The following SAMD3 variants were observed in gnomAD, a reference collection of about 807,000 sequenced individuals.
The protein encoded by SAMD3 is sterile alpha motif domain containing 3, also known as sterile alpha motif domain-containing protein 3.
A neutral mutation model predicts 58.5 loss-of-function variants in SAMD3; 63 were observed. The observed-to-expected ratio is 1.08, with a 90% CI of 0.88 to 1.33. SAMD3 has a LOEUF of 1.33. SAMD3 is among the 40% of genes most tolerant of loss of function. The pLI is 0.00. For missense variants in SAMD3, 604 were observed against 608.4 expected (o/e 0.99, Z 0.08); for synonymous variants, 220 against 210.3 (o/e 1.05, Z -0.40).
intron 2 of SAMD3, among the ~76,000 whole-genome samples, chr6:130,253,286 G>C (rs1032241425): frequency 2.0e-5 from 3 of 152,042 alleles, no homozygotes; most frequent in Non-Finnish European, 4.4e-5. Context: ...GGCTTCTCTC[G>C]GAGGCAGAAA....
At chr6:130,300,437 T>C (rs548609129) in intron 2 of SAMD3, among the ~76,000 whole-genome samples, 90 of 152,182 alleles carry the variant, frequency 5.9e-4, no homozygotes, top group African/African-American at 2.0e-3. Context: ...CTCAACAAAC[T>C]AGGCATTAAC....
intron 2 of SAMD3, among the ~76,000 whole-genome samples, chr6:130,283,454 A>AAACC (rs1365052406): frequency 1.3e-5 from 2 of 152,212 alleles, no homozygotes; most frequent in East Asian, 3.8e-4. Context: ...CCTTATAGTA[A>AAACC]AACCATCAAA....
At chr6:130,201,971 A>G (rs1000875516) in intron 5 of SAMD3, among the ~76,000 whole-genome samples, 1 of 152,200 alleles carries the variant, frequency 6.6e-6, no homozygotes, top group African/African-American at 2.4e-5. Context: ...CTTGTCTACC[A>G]GACTCTGAAT....
chr6:130,322,174 G>A (rs1258390648), intron 1 of SAMD3, among the ~76,000 whole-genome samples: 1 of 152,190 alleles, frequency 6.6e-6, no homozygotes, highest in Non-Finnish European at 1.5e-5. Flanking sequence ...GGCAAGGGTG[G>A]AATGGAGGCT....
At chr6:130,209,159 T>G (rs1031037147) in intron 5 of SAMD3, among the ~76,000 whole-genome samples, 13 of 152,222 alleles carry the variant, frequency 8.5e-5, no homozygotes, top group African/African-American at 2.9e-4. Context: ...CCAAGGGATA[T>G]TCTATAGAAC....
chr6:130,363,419 T>C (rs1778041663), intron 1 of SAMD3, among the ~76,000 whole-genome samples: 1 of 152,234 alleles, frequency 6.6e-6, no homozygotes, highest in Admixed American at 6.5e-5. Flanking sequence ...TATAATACTA[T>C]ACCAAGAGTG....
Position 130,146,097 on chromosome 6 carries a change from G to T in SAMD3, c.1108C>A (p.Leu370Met). The T allele has an allele frequency of 6.2e-7, 1 of 1,600,606 alleles. No individual in the cohort carries two copies. The highest frequency in any genetic ancestry group is 2.3e-5 in the East Asian group (1 of 44,286). ...TTGTCCACCACTGAAAAAGAAGTCA[G>T]TATATTTTCTGAATAGGATTCCAAA... is the stretch of plus-strand genomic sequence containing the variant. ...HILESYSENILTSFSVVDNPI... is the reference protein window; with the variant it reads ...HILESYSENIMTSFSVVDNPI... The change falls in exon 10 of 12, where the codon CTG becomes ATG. Residue 370 changes from leucine to methionine, a missense_variant. Physicochemically the swap from Leu to Met is conservative, Grantham distance 15 (BLOSUM62 2). Transcript: ENST00000439090.
chr6:130,207,167 A>G (rs112361797), intron 5 of SAMD3, among the ~76,000 whole-genome samples: 1 of 146,740 alleles, frequency 6.8e-6, no homozygotes, highest in South Asian at 2.2e-4. Flanking sequence ...ATCAAAAAAA[A>G]AAAAAGAAAA....
At chr6:130,232,201 G>A (rs562782478) in intron 2 of SAMD3, among the ~76,000 whole-genome samples, 2 of 152,178 alleles carry the variant, frequency 1.3e-5, no homozygotes, top group East Asian at 3.9e-4. Flanking sequence ...ATTGCAACTA[G>A]AGGCCATGGT....
chr6:130,147,730 C>A (rs1788762821), intron 9 of SAMD3, among the ~76,000 whole-genome samples: 1 of 152,180 alleles, frequency 6.6e-6, no homozygotes, highest in Non-Finnish European at 1.5e-5. Context: ...CAGTCATATT[C>A]TTAACAGGCC....
chr6:130,244,940 G>A (rs547772484), intron 2 of SAMD3, among the ~76,000 whole-genome samples: 44 of 152,032 alleles, frequency 2.9e-4, no homozygotes, highest in Non-Finnish European at 5.6e-4. Flanking sequence ...ATTTTCTAGG[G>A]GAACATTGAA....
intron 2 of SAMD3, among the ~76,000 whole-genome samples, chr6:130,264,304 C>T (rs1165335132): frequency 1.3e-5 from 2 of 152,206 alleles, no homozygotes; most frequent in Non-Finnish European, 2.9e-5. Flanking sequence ...TTCCATCTCC[C>T]AACACTAAGT....
chr6:130,328,066 T>C (rs1234082497), intron 1 of SAMD3, among the ~76,000 whole-genome samples: 1 of 152,210 alleles, frequency 6.6e-6, no homozygotes, highest in Non-Finnish European at 1.5e-5. Context: ...TTCTGTCTAC[T>C]TTCTGAGTCT....
At chr6:130,169,010 T>G (rs1324958609) in intron 8 of SAMD3, among the ~76,000 whole-genome samples, 1 of 152,084 alleles carries the variant, frequency 6.6e-6, no homozygotes, top group African/African-American at 2.4e-5. Flanking sequence ...CTCACTATGT[T>G]GCCCAGGCTG....
At chr6:130,355,535 T>C (rs9492559) in intron 1 of SAMD3, among the ~76,000 whole-genome samples, 38,643 of 152,198 alleles carry the variant, frequency 0.25, 6,196 homozygotes, top group African/African-American at 0.45. Context: ...TTTTTGTTTA[T>C]CCATGTAGTT....
chr6:130,308,359 T>TATTCTATTCTATTCTATTCTATTCTATTC (rs1775985316), intron 2 of SAMD3, among the ~76,000 whole-genome samples: 3 of 24,278 alleles, frequency 1.2e-4, no homozygotes, highest in African/African-American at 2.9e-4. Flanking sequence ...AATTCTATTC[T>TATTCTATTCTATTCTATTCTATTCTATTC]ATTCTATTCT....
intron 2 of SAMD3, among the ~76,000 whole-genome samples, chr6:130,289,214 A>C (rs1775279235): frequency 6.6e-6 from 1 of 152,208 alleles, no homozygotes; most frequent in South Asian, 2.1e-4. Flanking sequence ...CTGCTCTGTG[A>C]CTCAATAATA....
chr6:130,312,808 CAT>C (rs1776223464), intron 2 of SAMD3, among the ~76,000 whole-genome samples: 1 of 149,508 alleles, frequency 6.7e-6, no homozygotes, highest in Admixed American at 6.6e-5. Context: ...CACACACACA[CAT>C]ATCTTTTGTT....
At chr6:130,268,562 G>A (rs1430913525) in intron 2 of SAMD3, among the ~76,000 whole-genome samples, 3 of 152,100 alleles carry the variant, frequency 2.0e-5, no homozygotes, top group Admixed American at 6.5e-5. Context: ...TAGGGTAAGT[G>A]TCCTATATAG....
Sources: gnomAD v4.1 joint callset for allele counts (sites outside exome capture counted in the v4.1 genomes callset) on GRCh38, gnomAD v4.1.1 for gene constraint, MANE v1.5 for transcripts, NCBI Gene and HGNC (gene_info 2026-07-23, HGNC 2026-07-21) for gene names.